ARHGAP39: variants seen among roughly 807,000 people sequenced by gnomAD.
ARHGAP39 encodes the protein rho GTPase-activating protein 39.
In ARHGAP39, 44 loss-of-function variants were observed where a neutral mutation model predicts 106.9. That is an observed-to-expected ratio of 0.41 (90% CI 0.32 to 0.53). The LOEUF (loss-of-function observed/expected upper bound fraction) is 0.53. Among genes scored for constraint, ARHGAP39 ranks in the 20% least tolerant of loss-of-function variants. The pLI is 0.21. For missense variants in ARHGAP39, 1,496 were observed against 1,577.3 expected (o/e 0.95, Z 0.87); for synonymous variants, 768 against 693.2 (o/e 1.11, Z -1.69).
At chr8:144,601,468 G>A (rs1441950270) in intron 2 of ARHGAP39, among the ~76,000 whole-genome samples, 10 of 145,048 alleles carry the variant, frequency 6.9e-5, no homozygotes, top group African/African-American at 2.6e-4. Context: ...GCGTGGAGGT[G>A]TGTGTGCGAG....
intron 1 of ARHGAP39, among the ~76,000 whole-genome samples, chr8:144,628,856 G>T (rs985165382): frequency 6.6e-6 from 1 of 152,170 alleles, no homozygotes; most frequent in South Asian, 2.1e-4. Flanking sequence ...GTGCCTGGGC[G>T]GGACTCATGC....
intron 1 of ARHGAP39, among the ~76,000 whole-genome samples, chr8:144,655,953 T>A (rs1467466570): frequency 6.6e-6 from 1 of 152,176 alleles, no homozygotes; most frequent in Non-Finnish European, 1.5e-5. Flanking sequence ...GGGAACAGCA[T>A]ATCTAACATG....
chr8:144,565,992 G>A (rs1375364098), intron 3 of ARHGAP39, among the ~76,000 whole-genome samples: 1 of 151,704 alleles, frequency 6.6e-6, no homozygotes, highest in Non-Finnish European at 1.5e-5. Context: ...TACTCAGGAA[G>A]CAGAGGTGGG....
intron 8 of ARHGAP39, 93 bp downstream of exon 8, chr8:144,534,036 C>G: frequency 7.0e-7 from 1 of 1,429,242 alleles, no homozygotes; most frequent in East Asian, 2.3e-5. Context: ...CGCTGCTGCC[C>G]CATACCAAAC....
At chr8:144,571,775 A>G (rs1417731793) in intron 3 of ARHGAP39, among the ~76,000 whole-genome samples, 1 of 152,262 alleles carries the variant, frequency 6.6e-6, no homozygotes, top group African/African-American at 2.4e-5. Context: ...TTAAGCTGAT[A>G]AGCAACTTCA....
chr8:144,587,969 C>T (rs1312933340), intron 2 of ARHGAP39, among the ~76,000 whole-genome samples: 1 of 152,212 alleles, frequency 6.6e-6, no homozygotes, highest in Non-Finnish European at 1.5e-5. Context: ...CACAGATCAG[C>T]CTCCAGTCTC....
intron 2 of ARHGAP39, among the ~76,000 whole-genome samples, chr8:144,594,815 G>A (rs1037134934): frequency 4.6e-5 from 7 of 152,164 alleles, no homozygotes; most frequent in African/African-American, 1.7e-4. Flanking sequence ...GATCCGGGAA[G>A]CAGAGGTTGC....
At chr8:144,581,417 G>A (rs1357589165) in intron 2 of ARHGAP39, 140 bp from the exon 3 acceptor site, 3 of 983,970 alleles carry the variant, frequency 3.0e-6, no homozygotes, top group Admixed American at 2.8e-5. Flanking sequence ...AGCCCAGTCC[G>A]CCCCTGACTG....
chr8:144,592,996 T>G (rs1819463735), intron 2 of ARHGAP39, among the ~76,000 whole-genome samples: 1 of 152,214 alleles, frequency 6.6e-6, no homozygotes, highest in African/African-American at 2.4e-5. Context: ...AATATTCATT[T>G]GGCAACAGTA....
intron 5 of ARHGAP39, 35 bp from the exon 6 acceptor site, chr8:144,545,845 T>TGGGGTTGTGGGGGGG: frequency 9.6e-7 from 1 of 1,042,200 alleles, no homozygotes; most frequent in Non-Finnish European, 1.3e-6. Flanking sequence ...CTGTTGGGGG[T>TGGGGTTGTGGGGGGG]GGGGGAGGGC....
At chr8:144,674,555 TG>T (rs1822182671) in intron 1 of ARHGAP39, among the ~76,000 whole-genome samples, 1 of 152,338 alleles carries the variant, frequency 6.6e-6, no homozygotes, top group South Asian at 2.1e-4. Context: ...CTCTGGTCCA[TG>T]GAACTGGCAG....
chr8:144,690,341 G>A (rs750303759), upstream of ARHGAP39, among the ~76,000 whole-genome samples: 2 of 151,830 alleles, frequency 1.3e-5, no homozygotes, highest in Non-Finnish European at 2.9e-5. Context: ...TTGAACTCCT[G>A]ACCTCCCACC....
intron 2 of ARHGAP39, 59 bp from the exon 3 acceptor site, chr8:144,581,336 A>C (rs961011552): frequency 6.9e-7 from 1 of 1,449,644 alleles, no homozygotes; most frequent in Non-Finnish European, 9.3e-7. Context: ...CGCGCCTCCC[A>C]CCCCTGCAGA....
At chr8:144,597,400 G>A (rs757015828) in intron 2 of ARHGAP39, among the ~76,000 whole-genome samples, 3 of 152,198 alleles carry the variant, frequency 2.0e-5, no homozygotes, top group Non-Finnish European at 4.4e-5. Flanking sequence ...GAGGGAGGGC[G>A]GAGGCATCTT....
chr8:144,682,244 CAAAAAAAAAAAAA>C (rs1199836499), intron 1 of ARHGAP39, among the ~76,000 whole-genome samples: 2 of 30,688 alleles, frequency 6.5e-5, no homozygotes, highest in Non-Finnish European at 1.2e-4. Context: ...GACTCTATCT[CAAAAAAAAAAAAA>C]AAAAAAAAAA....
Position 144,545,400 on chromosome 8 carries a change from C to G in ARHGAP39, c.2370G>C (p.Arg790=). 1 of 1,567,952 alleles carries G rather than the reference C, an allele frequency of 6.4e-7. No individual in the cohort carries two copies. The highest frequency in any genetic ancestry group is 8.7e-7 in the Non-Finnish European group (1 of 1,155,182). The part of the protein sequence containing the change: ...LRDELYIQLC[R]QTTENFRLES... ...CCAGGCGGAAGTTCTCGGTGGTCTG[C>G]CGGCACAGCTGGATGTAGAGCTCGT... Residue 790 remains arginine, a synonymous_variant, in exon 6 of 12, where the codon CGG becomes CGC. Coordinates refer to ENST00000377307, the MANE Select transcript of ARHGAP39 (RefSeq NM_025251.3).
Position 144,530,310 on chromosome 8 carries a change from G to C in ARHGAP39, c.*112C>G. 15 of 1,212,978 alleles carry C rather than the reference G, an allele frequency of 1.2e-5. No individual in the cohort carries two copies. The highest frequency in any genetic ancestry group is 4.7e-5 in the Admixed American group (2 of 42,506). The allele number at this position is 1,212,978 out of a possible 1,614,324, so 75.1% of individuals were successfully genotyped here. A position where few individuals can be genotyped will look rare whatever the true frequency, so the allele number is the denominator to read the frequency against. On this transcript the variant is annotated 3_prime_UTR_variant, in exon 12 of 12. Transcript: ENST00000377307. ...GGGGCCAGGGGCCTGGGGGAGTGGAGGGGGCTCCAGGGCTGGGCCGGGCGA... is the reference window on the plus strand; with the variant it reads ...GGGGCCAGGGGCCTGGGGGAGTGGACGGGGCTCCAGGGCTGGGCCGGGCGA...
intron 1 of ARHGAP39, among the ~76,000 whole-genome samples, chr8:144,651,729 T>C (rs752023052): frequency 6.6e-6 from 1 of 151,784 alleles, no homozygotes; most frequent in African/African-American, 2.4e-5. Flanking sequence ...AATAAATACA[T>C]ACATTCATAT....
intron 1 of ARHGAP39, among the ~76,000 whole-genome samples, chr8:144,621,604 C>A (rs1163364189): frequency 1.3e-5 from 2 of 152,110 alleles, no homozygotes; most frequent in Non-Finnish European, 1.5e-5. Flanking sequence ...ATTGCTTCAG[C>A]CCAGAAGTTC....
Sources: allele counts gnomAD v4.1 joint callset (sites outside exome capture counted in the v4.1 genomes callset), GRCh38; gene constraint gnomAD v4.1.1; transcripts MANE v1.5; gene names NCBI Gene and HGNC (gene_info 2026-07-23, HGNC 2026-07-21).